Variants in KCNT1 observed in about 807,000 individuals in gnomAD.
KCNT1 encodes potassium channel subfamily T member 1.
KCNT1 carries 78 observed loss-of-function variants against 147.8 expected under a neutral mutation model. That is an observed-to-expected ratio of 0.53 (90% confidence interval 0.44 to 0.64). The LOEUF is 0.64. Among genes scored for constraint, KCNT1 ranks in the 30% least tolerant of loss-of-function variants. The probability of loss-of-function intolerance (pLI) is 0.00; values close to 1 mark genes in which losing one functional copy is unlikely to be tolerated. For synonymous variants in KCNT1, 867 were observed against 748.8 expected (o/e 1.16, Z -2.58); for missense variants, 1,419 against 1,750.3 (o/e 0.81, Z 3.38).
chr9:135,729,761 A>C (rs1380416626), intron 2 of KCNT1, among the ~76,000 whole-genome samples: 1 of 151,964 alleles, frequency 6.6e-6, no homozygotes, highest in Non-Finnish European at 1.5e-5. Flanking sequence ...TGCTGGACAG[A>C]GCTTACTTGA....
In KCNT1 at chr9:135,752,756, TGGAG is replaced by T. The variant is rs1454696153; in HGVS notation, c.435-1177_435-1174del. Among the ~76,000 whole-genome samples the T allele has an allele frequency of 1.4e-5, 2 of 143,788 alleles. No individual in the cohort carries two copies. Among genetic ancestry groups the T allele is most frequent in the East Asian group, 4.1e-4 (2 of 4,822 alleles). 94.3% of individuals were successfully genotyped at this position (143,788 alleles called of 152,430 possible). On this transcript the variant is annotated intron_variant, in intron 4 of 30. Transcript: ENST00000371757. This position sits in a 1 kb window ranked among gnomAD's most constrained non-coding sequence, Gnocchi z 5.1. ...TGGATGGATGGATGGAATAGATGGA[TGGAG>T]GGATGAGTGGATGGGTGGATGATGG...
chr9:135,727,052 C>CCTCTGTTTCCCATTCT (rs1564323892), intron 2 of KCNT1, among the ~76,000 whole-genome samples: 8 of 42,548 alleles, frequency 1.9e-4, no homozygotes, highest in Non-Finnish European at 3.8e-4. Flanking sequence ...TCTCTCTCTC[C>CCTCTGTTTCCCATTCT]CTCTCTCCCT....
At position 135,792,111 on chromosome 9, in the gene KCNT1, C is replaced by T. The variant is rs1200375895; in HGVS notation, c.3658C>T (p.His1220Tyr). 6.2e-7 allele frequency: 1 copy of T among 1,605,622 alleles called. No individual in the cohort carries two copies. Among genetic ancestry groups the T allele is most frequent in the Non-Finnish European group, 8.5e-7 (1 of 1,179,554 alleles). ...CCAGAGCCGGAAGAGCAGCTGCAGC[C>T]ACAAGCTGTCGTCCTGCAACCCCGA... ...SSQSRKSSCS[H>Y]KLSSCNPETR... The change falls in exon 31 of 31, where the codon CAC (histidine) becomes TAC (tyrosine). Residue 1220 changes from histidine (H) to tyrosine (Y), a missense_variant. Around this residue, in one of 5 missense-constraint regions of KCNT1, gnomAD observed 306 missense variants for 294.2 expected, o/e 1.04. Coordinates refer to ENST00000371757, the MANE Select transcript of KCNT1 (RefSeq NM_020822.3).
At chr9:135,776,378 C>G (rs538247996) in intron 20 of KCNT1, among the ~76,000 whole-genome samples, 2 of 152,282 alleles carry the variant, frequency 1.3e-5, no homozygotes, top group East Asian at 3.9e-4. Flanking sequence ...CCACCTCAGC[C>G]TCCCAAGTGG....
rs565700418 is a variant in KCNT1, at chr9:135,761,766, C to T, written c.1035+1907C>T. Reference sequence around the variant, plus strand: ...CCACAAGCCCTTCCAGAGAAACATCCGAGAGGCCCCTGGCCCAGCCGAGGT... The same window carrying T: ...CCACAAGCCCTTCCAGAGAAACATCTGAGAGGCCCCTGGCCCAGCCGAGGT... On this transcript the variant is annotated intron_variant, in intron 11 of 30. Coordinates refer to ENST00000371757, the MANE Select transcript of KCNT1 (RefSeq NM_020822.3). 5.9e-5 allele frequency among the ~76,000 whole-genome samples: 9 copies of T among 152,316 alleles called. No individual in the cohort carries two copies. The East Asian group carries it at 1.2e-3, about 20-fold the overall frequency.
In KCNT1 at chr9:135,792,093, C is replaced by T. The variant is rs150447764; in HGVS notation, c.3640C>T (p.Arg1214Trp). Residue 1214 changes from arginine to tryptophan, a missense_variant, in exon 31 of 31, where the codon CGG becomes TGG. Around this residue, in one of 5 missense-constraint regions of KCNT1, gnomAD observed 306 missense variants for 294.2 expected, o/e 1.04. Transcript: ENST00000371757. ...TCACGTGGCCAGCAGCTCCCAGAGC[C>T]GGAAGAGCAGCTGCAGCCACAAGCT... is the stretch of plus-strand genomic sequence containing the variant. ...LAHVASSSQS[R>W]KSSCSHKLSS... The T allele has an allele frequency of 1.6e-5, 25 of 1,604,050 alleles. No homozygotes were observed. The highest frequency in any genetic ancestry group is 4.0e-5 in the African/African-American group (3 of 74,892).
rs1169367356 is a variant in KCNT1, at chr9:135,714,160, G to T, written c.111-417G>T. 6.6e-6 allele frequency among the ~76,000 whole-genome samples: 1 copy of T among 152,112 alleles called. No homozygotes were observed. Among genetic ancestry groups the T allele is most frequent in the Non-Finnish European group, 1.5e-5 (1 of 67,998 alleles). ...GGCCTCGGCAAAGACCCTGGGGACG[G>T]GGAGGGGAGCTGGGGAGTTGGGAGG... On this transcript the variant is annotated intron_variant, in intron 1 of 30. Coordinates refer to ENST00000371757, the MANE Select transcript of KCNT1 (RefSeq NM_020822.3). The surrounding 1 kb of genome is among the most constrained non-coding windows in gnomAD (Gnocchi z 6.2).
intron 2 of KCNT1, among the ~76,000 whole-genome samples, chr9:135,721,383 C>T (rs1052748342): frequency 6.6e-6 from 1 of 152,194 alleles, no homozygotes; most frequent in Non-Finnish European, 1.5e-5. Flanking sequence ...AGGGAGGGGC[C>T]AGGTGGGATC....
chr9:135,789,082 G>A (rs541262020), intron 29 of KCNT1: 1 of 152,406 alleles, frequency 6.6e-6, no homozygotes, highest in Non-Finnish European at 1.5e-5. Flanking sequence ...TGGCGCTCAT[G>A]GAAGACCCTC....
At chr9:135,787,701 C>T (rs946121998) in intron 29 of KCNT1, among the ~76,000 whole-genome samples, 8 of 152,182 alleles carry the variant, frequency 5.3e-5, no homozygotes, top group Admixed American at 1.3e-4. Context: ...GCCCTGTGGG[C>T]GCTGGGGAAG....
At position 135,732,547 on chromosome 9, in the gene KCNT1, C is replaced by T. The variant is rs1013397152; in HGVS notation, c.255-17551C>T. Among the ~76,000 whole-genome samples the T allele has an allele frequency of 1.5e-4, 23 of 152,150 alleles. No homozygotes were observed. In the South Asian group the frequency reaches 2.1e-3, roughly 14 times the overall value. On this transcript the variant is annotated intron_variant, in intron 2 of 30. Transcript: ENST00000371757. The stretch of plus-strand genomic sequence containing the variant: ...ATAACTGTATGGCGTGTGGGCTCTC[C>T]GCTTGCTTCTGGAGTTCTGTGGTCT...
At chr9:135,705,283 A>G (rs890160571) in intron 1 of KCNT1, among the ~76,000 whole-genome samples, 1 of 152,176 alleles carries the variant, frequency 6.6e-6, no homozygotes, top group African/African-American at 2.4e-5. Flanking sequence ...CGGCCCTGGA[A>G]AGGGTGGCAC....
chr9:135,767,961 GC>G (rs142652072), intron 13 of KCNT1, among the ~76,000 whole-genome samples: 4,613 of 151,296 alleles, frequency 0.03, 89 homozygotes, highest in Middle Eastern at 0.11. Context: ...CTGACCCCCT[GC>G]CCCCACCCGC....
At chr9:135,785,550 G>A (rs775471434) in intron 28 of KCNT1, 74 of 660,636 alleles carry the variant, frequency 1.1e-4, no homozygotes, top group Admixed American at 1.5e-4. Context: ...GCTGAGGCCT[G>A]GGGGGAGTAG....
chr9:135,722,125 G>C (rs574389820), intron 2 of KCNT1, among the ~76,000 whole-genome samples: 1 of 152,258 alleles, frequency 6.6e-6, no homozygotes, highest in South Asian at 2.1e-4. Context: ...GGGCATGGAG[G>C]AGGGTCCGTG....
chr9:135,764,892 C>T, intron 11 of KCNT1, 139 bp from the exon 12 acceptor site: 2 of 773,952 alleles, frequency 2.6e-6, no homozygotes, highest in South Asian at 1.9e-5. Flanking sequence ...GGAAAGGCCC[C>T]CCTAATGTAG....
chr9:135,731,960 G>GTGTATATATATATATATATA (rs1471079492), intron 2 of KCNT1, among the ~76,000 whole-genome samples: 1 of 41,414 alleles, frequency 2.4e-5, no homozygotes, highest in Non-Finnish European at 4.7e-5. Flanking sequence ...AAATATGCGT[G>GTGTATATATATATATATATA]TATATATATA....
chr9:135,772,059 G>T (rs1030753653), intron 18 of KCNT1, among the ~76,000 whole-genome samples: 4 of 152,214 alleles, frequency 2.6e-5, no homozygotes, highest in African/African-American at 9.6e-5. Context: ...AGACCCCGCA[G>T]GTTCCCGGCC....
chr9:135,702,421 C>A, intron 1 of KCNT1, 53 bp downstream of exon 1: 1 of 1,213,214 alleles, frequency 8.2e-7, no homozygotes, highest in South Asian at 1.2e-5. Context: ...TAACCTAAGA[C>A]CCCCAAGTTC....
Sources: gnomAD v4.1 joint callset for allele counts (sites outside exome capture counted in the v4.1 genomes callset) on GRCh38, gnomAD v4.1.1 for gene constraint, gnomAD v4.1.1 regional missense constraint, Gnocchi (gnomAD v3.1) non-coding constraint, MANE v1.5 for transcripts, NCBI Gene and HGNC (gene_info 2026-07-23, HGNC 2026-07-21) for gene names.